Variants in GLIS3 observed in about 807,000 individuals in gnomAD.
GLIS3 encodes the protein zinc finger protein GLIS3.
In GLIS3, 53 loss-of-function variants were observed where a neutral mutation model predicts 78.6. That is an observed-to-expected ratio of 0.67 (90% CI 0.54 to 0.85). GLIS3 has a LOEUF of 0.85. GLIS3 is among the 40% of genes least tolerant of loss of function. GLIS3 has a pLI of 0.00. For synonymous variants in GLIS3, 684 were observed against 509.9 expected, an observed-to-expected ratio of 1.34 and a Z score of -4.60; for missense variants, 1,703 against 1,231.1, an observed-to-expected ratio of 1.38 and a Z score of -5.74.
intron 2 of GLIS3, among the ~76,000 whole-genome samples, chr9:4,245,219 G>C (rs1823692021): frequency 2.6e-5 from 4 of 152,250 alleles, no homozygotes; most frequent in South Asian, 4.2e-4. Flanking sequence ...TATTGTTTTT[G>C]TAGGTATGTG....
intron 4 of GLIS3, among the ~76,000 whole-genome samples, chr9:4,306,699 A>C (rs1161864923): frequency 6.6e-6 from 1 of 152,178 alleles, no homozygotes; most frequent in African/African-American, 2.4e-5. Context: ...TCTGAGTCTC[A>C]TGCCTTTTTG....
At chr9:3,843,032 C>T (rs1818817967) in intron 9 of GLIS3, among the ~76,000 whole-genome samples, 1 of 152,178 alleles carries the variant, frequency 6.6e-6, no homozygotes, top group Non-Finnish European at 1.5e-5. Flanking sequence ...GGCTCTCTCT[C>T]CCAATGCCTG....
At chr9:4,062,861 G>A (rs1031977714) in intron 4 of GLIS3, among the ~76,000 whole-genome samples, 4 of 151,976 alleles carry the variant, frequency 2.6e-5, no homozygotes, top group South Asian at 2.1e-4. Flanking sequence ...CCCAGGAGGC[G>A]GAGCTTGCAG....
intron 4 of GLIS3, among the ~76,000 whole-genome samples, chr9:4,062,513 T>C (rs1203646105): frequency 6.6e-6 from 1 of 152,222 alleles, no homozygotes; most frequent in Admixed American, 6.5e-5. Context: ...TATCACATAT[T>C]TGCTGTATGA....
chr9:3,871,530 C>G (rs10973937), intron 8 of GLIS3, among the ~76,000 whole-genome samples: 5,940 of 152,270 alleles, frequency 0.039, 162 homozygotes, highest in Middle Eastern at 0.071. Flanking sequence ...GTTCCCAAAC[C>G]TCAGTTCTTG....
the GLIS3 span, among the ~76,000 whole-genome samples, chr9:4,428,786 T>C: frequency 6.6e-6 from 1 of 152,172 alleles, no homozygotes. Context: ...CTCCTCTTGG[T>C]TGTTGCAAAG....
chr9:4,212,761 T>C (rs1226556544), intron 2 of GLIS3, among the ~76,000 whole-genome samples: 1 of 152,128 alleles, frequency 6.6e-6, no homozygotes. Context: ...TGCTACTCCA[T>C]CTAAATAGGG....
chr9:4,264,659 G>T (rs574134329), intron 2 of GLIS3, among the ~76,000 whole-genome samples: 2 of 152,166 alleles, frequency 1.3e-5, no homozygotes, highest in Non-Finnish European at 2.9e-5. Flanking sequence ...AATCAGAGAA[G>T]CCTTCCCTAA....
the GLIS3 span, among the ~76,000 whole-genome samples, chr9:4,441,478 G>A: frequency 6.6e-6 from 1 of 152,108 alleles, no homozygotes; most frequent in Non-Finnish European, 1.5e-5. Flanking sequence ...TGCCTGGAGT[G>A]GATTCATCTT....
chr9:4,258,313 G>C (rs938734161), intron 2 of GLIS3, among the ~76,000 whole-genome samples: 2 of 148,584 alleles, frequency 1.3e-5, no homozygotes, highest in African/African-American at 5.0e-5. Flanking sequence ...TACAGTTTTA[G>C]TTTACAGTAA....
At chr9:4,448,748 G>C in the GLIS3 span, among the ~76,000 whole-genome samples, 4 of 152,154 alleles carry the variant, frequency 2.6e-5, no homozygotes, top group Admixed American at 2.6e-4. Flanking sequence ...GCACCATGCT[G>C]AATTGAAGTT....
intron 2 of GLIS3, among the ~76,000 whole-genome samples, chr9:4,171,016 C>A (rs7868798): frequency 6.6e-6 from 1 of 151,984 alleles, no homozygotes; most frequent in Non-Finnish European, 1.5e-5. Flanking sequence ...GGGAATCATA[C>A]GAGAACAATC....
chr9:4,477,416 G>A, the GLIS3 span, among the ~76,000 whole-genome samples: 4 of 151,272 alleles, frequency 2.6e-5, no homozygotes, highest in African/African-American at 9.7e-5. Context: ...GTTTTGGGGG[G>A]GCTGGGTTTT....
intron 2 of GLIS3, among the ~76,000 whole-genome samples, chr9:4,333,839 G>C (rs1048197404): frequency 6.9e-6 from 1 of 145,448 alleles, no homozygotes; most frequent in Non-Finnish European, 1.5e-5. Flanking sequence ...TTATCATAAA[G>C]CTCCAAACAA....
At chr9:4,340,942 G>A (rs951849280) in intron 2 of GLIS3, among the ~76,000 whole-genome samples, 7 of 152,144 alleles carry the variant, frequency 4.6e-5, no homozygotes, top group African/African-American at 1.7e-4. Flanking sequence ...CTCCCAAAGT[G>A]CTGGGATTAT....
At chr9:4,086,893 C>A (rs908711601) in intron 4 of GLIS3, among the ~76,000 whole-genome samples, 1 of 152,212 alleles carries the variant, frequency 6.6e-6, no homozygotes, top group African/African-American at 2.4e-5. Context: ...CACAGTCTAA[C>A]TGATAACGGC....
chr9:3,925,606 CGT>C (rs200777823), intron 6 of GLIS3, among the ~76,000 whole-genome samples: 24 of 151,232 alleles, frequency 1.6e-4, no homozygotes, highest in South Asian at 4.2e-4. Flanking sequence ...CGTGTGCGCG[CGT>C]GTGTGTGTGT....
At chr9:4,247,722 G>A (rs191676342) in intron 2 of GLIS3, among the ~76,000 whole-genome samples, 2 of 152,182 alleles carry the variant, frequency 1.3e-5, no homozygotes, top group African/African-American at 4.8e-5. Context: ...GATTATGATA[G>A]TATACTGAGA....
At chr9:4,313,508 A>G (rs550088046) in intron 2 of GLIS3, among the ~76,000 whole-genome samples, 1 of 152,220 alleles carries the variant, frequency 6.6e-6, no homozygotes, top group East Asian at 1.9e-4. Flanking sequence ...GCGTGGCTCC[A>G]TTGGCCTCCA....
Sources: gnomAD v4.1 joint callset for allele counts (sites outside exome capture counted in the v4.1 genomes callset) on GRCh38, gnomAD v4.1.1 for gene constraint, MANE v1.5 for transcripts, NCBI Gene and HGNC (gene_info 2026-07-23, HGNC 2026-07-21) for gene names.